Variants in GALNTL6 observed in about 807,000 individuals in gnomAD.
GALNTL6 encodes polypeptide N-acetylgalactosaminyltransferase-like 6.
A neutral mutation model predicts 73.7 loss-of-function variants in GALNTL6; 46 were observed. The observed-to-expected ratio is 0.62, with a 90% CI of 0.49 to 0.80. GALNTL6 has a LOEUF of 0.80. Among genes scored for constraint, GALNTL6 ranks in the 30% least tolerant of loss-of-function variants. GALNTL6 has a pLI of 0.00. For missense variants in GALNTL6, 604 were observed against 755.0 expected (o/e 0.80, Z 2.34); for synonymous variants, 259 against 263.7 (o/e 0.98, Z 0.17).
intron 3 of GALNTL6, among the ~76,000 whole-genome samples, chr4:172,306,573 A>C (rs2111133621): frequency 6.6e-6 from 1 of 152,340 alleles, no homozygotes; most frequent in South Asian, 2.1e-4. Context: ...TCACCTAAGC[A>C]GTGCACACTG....
chr4:172,562,410 G>A (rs894230587), intron 5 of GALNTL6, among the ~76,000 whole-genome samples: 16 of 152,144 alleles, frequency 1.1e-4, no homozygotes, highest in African/African-American at 2.2e-4. Context: ...CAGAGCTCAC[G>A]GGCCCCATTC....
intron 10 of GALNTL6, among the ~76,000 whole-genome samples, chr4:172,975,731 C>T (rs924047864): frequency 1.3e-5 from 2 of 152,114 alleles, no homozygotes; most frequent in African/African-American, 4.8e-5. Context: ...TGCTCATCGG[C>T]GAGGGGGCTA....
chr4:172,429,217 T>TATTTTATTTTATTTG (rs1203424457), intron 5 of GALNTL6, among the ~76,000 whole-genome samples: 7 of 149,644 alleles, frequency 4.7e-5, no homozygotes, highest in African/African-American at 1.7e-4. Context: ...TATTTTATTT[T>TATTTTATTTTATTTG]ATTTTATTTT....
In GALNTL6 at chr4:172,822,006, G is replaced by T. The variant is rs905886151; in HGVS notation, c.923+8283G>T. On this transcript the variant is annotated intron_variant, in intron 7 of 12. Transcript: ENST00000506823. Reference sequence around the variant, plus strand: ...CTGACAAAGAAATTCTCCGTAAGGGGTGGCAACAATCTCTTTTCCTTTGTC... The same window carrying T: ...CTGACAAAGAAATTCTCCGTAAGGGTTGGCAACAATCTCTTTTCCTTTGTC... Among the ~76,000 whole-genome samples, 12 of 152,144 alleles carry T rather than the reference G, an allele frequency of 7.9e-5. 1 individual carries two copies.
chr4:172,745,288 G>A (rs1418938798), intron 5 of GALNTL6, among the ~76,000 whole-genome samples: 2 of 151,824 alleles, frequency 1.3e-5, no homozygotes, highest in Non-Finnish European at 2.9e-5. Flanking sequence ...TTTTGTTCTT[G>A]CTGCTGTGGG....
At chr4:172,871,314 A>G (rs950341495) in intron 7 of GALNTL6, among the ~76,000 whole-genome samples, 4 of 152,104 alleles carry the variant, frequency 2.6e-5, no homozygotes, top group South Asian at 2.1e-4. Flanking sequence ...ACATGTTCTT[A>G]TCTGGTTTCA....
chr4:172,213,045 A>G (rs1394398069), intron 2 of GALNTL6, among the ~76,000 whole-genome samples: 2 of 152,136 alleles, frequency 1.3e-5, no homozygotes, highest in Non-Finnish European at 2.9e-5. Context: ...TATAGTATGC[A>G]GCCTTTTCAA....
intron 2 of GALNTL6, among the ~76,000 whole-genome samples, chr4:171,905,060 T>G (rs1737231074): frequency 6.6e-6 from 1 of 151,990 alleles, no homozygotes; most frequent in Non-Finnish European, 1.5e-5. Context: ...GTAAAGACCA[T>G]CAAGACTAGG....
chr4:172,362,480 G>A (rs1156286611), intron 5 of GALNTL6, among the ~76,000 whole-genome samples: 2 of 151,974 alleles, frequency 1.3e-5, no homozygotes, highest in South Asian at 2.1e-4. Context: ...TTTTCTCATC[G>A]TTTCCTCTAT....
intron 5 of GALNTL6, among the ~76,000 whole-genome samples, chr4:172,354,016 G>A (rs142902211): frequency 6.6e-4 from 100 of 152,266 alleles, no homozygotes; most frequent in African/African-American, 2.4e-3. Flanking sequence ...GAAGTTGGAA[G>A]ATATCAGTGT....
At chr4:172,180,163 T>C (rs1735192172) in intron 2 of GALNTL6, among the ~76,000 whole-genome samples, 2 of 152,232 alleles carry the variant, frequency 1.3e-5, no homozygotes, top group African/African-American at 2.4e-5. Context: ...TGGTATCTCA[T>C]TGTGGCTTTT....
intron 8 of GALNTL6, among the ~76,000 whole-genome samples, chr4:172,913,662 T>C (rs1488191991): frequency 6.6e-6 from 1 of 151,694 alleles, no homozygotes; most frequent in Non-Finnish European, 1.5e-5. Flanking sequence ...ATCAAATGAA[T>C]GAAATGAAGT....
chr4:172,280,645 A>G (rs953901923), intron 3 of GALNTL6, among the ~76,000 whole-genome samples: 2 of 152,090 alleles, frequency 1.3e-5, no homozygotes, highest in African/African-American at 4.8e-5. Flanking sequence ...TTGCATCATT[A>G]GATCAAAATA....
chr4:172,896,300 TA>T (rs1247828884), intron 8 of GALNTL6, among the ~76,000 whole-genome samples: 1 of 152,224 alleles, frequency 6.6e-6, no homozygotes, highest in Non-Finnish European at 1.5e-5. Flanking sequence ...GCAAACTGAC[TA>T]TTATGTTTCC....
intron 2 of GALNTL6, among the ~76,000 whole-genome samples, chr4:171,904,084 C>G (rs1310882810): frequency 6.6e-6 from 1 of 152,262 alleles, no homozygotes; most frequent in South Asian, 2.1e-4. Flanking sequence ...AAAAGCAGAG[C>G]GCCTCTCCTC....
chr4:172,196,086 T>A (rs574389319), intron 2 of GALNTL6, among the ~76,000 whole-genome samples: 4 of 131,846 alleles, frequency 3.0e-5, no homozygotes, highest in Admixed American at 1.6e-4. Context: ...AATAACTGAA[T>A]AGACACAATA....
At chr4:172,573,978 C>T (rs1736864051) in intron 5 of GALNTL6, among the ~76,000 whole-genome samples, 1 of 152,144 alleles carries the variant, frequency 6.6e-6, no homozygotes, top group African/African-American at 2.4e-5. Flanking sequence ...GTAGGTTTCT[C>T]ATACTTCTCC....
chr4:172,485,998 A>G (rs1733651560), intron 5 of GALNTL6, among the ~76,000 whole-genome samples: 1 of 152,150 alleles, frequency 6.6e-6, no homozygotes, highest in Non-Finnish European at 1.5e-5. Context: ...CCATTGACTA[A>G]AGTTTATTTC....
intron 5 of GALNTL6, among the ~76,000 whole-genome samples, chr4:172,606,369 G>A (rs1243159059): frequency 6.7e-6 from 1 of 150,368 alleles, no homozygotes; most frequent in East Asian, 1.9e-4. Context: ...CAGGAGAATC[G>A]CTTGAACCCA....
Sources: gnomAD v4.1 joint callset for allele counts (sites outside exome capture counted in the v4.1 genomes callset) on GRCh38, gnomAD v4.1.1 for gene constraint, MANE v1.5 for transcripts, NCBI Gene and HGNC (gene_info 2026-07-23, HGNC 2026-07-21) for gene names.